Variants in ERBB4 observed in about 807,000 individuals in gnomAD.
ERBB4 encodes receptor tyrosine-protein kinase erbB-4.
In ERBB4, 42 loss-of-function variants were observed where a neutral mutation model predicts 158.0. The ratio of observed to expected loss-of-function variants is 0.27; its 90% CI spans 0.21 to 0.34. The LOEUF (loss-of-function observed/expected upper bound fraction) is 0.34, where lower values mean the gene tolerates loss of function less well. Among genes scored for constraint, ERBB4 ranks in the 10% least tolerant of loss-of-function variants. The pLI, the probability that ERBB4 is intolerant of heterozygous loss-of-function variation, is 1.00. For synonymous variants in ERBB4, 583 were observed against 558.7 expected, an observed-to-expected ratio of 1.04 and a Z score of -0.61; for missense variants, 1,333 against 1,624.1, an observed-to-expected ratio of 0.82 and a Z score of 3.08.
chr2:211,708,293 T>C (rs75216543), intron 9 of ERBB4, among the ~76,000 whole-genome samples: 2,761 of 152,266 alleles, frequency 0.018, 91 homozygotes, highest in African/African-American at 0.063. Flanking sequence ...TTTATATGTT[T>C]GTCCTGGAAA....
At position 212,022,163 on chromosome 2, in the gene ERBB4, T is replaced by A. The variant is rs960586230; in HGVS notation, c.235-74547A>T. ...GAAATACCATTTGACTCAGCATGAC[T>A]CAGCAATTCCATTACTGGGAATATA... On this transcript the variant is annotated intron_variant, in intron 2 of 27. Transcript: ENST00000342788. Among the ~76,000 whole-genome samples the A allele has an allele frequency of 4.9e-4, 73 of 148,554 alleles. 1 individual carries two copies. The highest frequency in any genetic ancestry group is 5.9e-4 in the Non-Finnish European group (39 of 66,550).
Position 212,120,272 on chromosome 2 carries a change from A to G in ERBB4, c.234+4480T>C, listed in dbSNP as rs150756634. The stretch of plus-strand genomic sequence containing the variant: ...GCATTTGAGTAGTCAAGAACCTAAT[A>G]GAGAAACTGAATGCTATTGGTGACA... On this transcript the variant is annotated intron_variant, in intron 2 of 27. Transcript: ENST00000342788. Among the ~76,000 whole-genome samples the G allele has an allele frequency of 1.5e-3, 230 of 152,330 alleles. 1 individual carries two copies. The highest frequency in any genetic ancestry group is 5.2e-3 in the African/African-American group (217 of 41,576).
At chr2:212,269,172 T>C (rs2085256259) in intron 1 of ERBB4, among the ~76,000 whole-genome samples, 1 of 151,894 alleles carries the variant, frequency 6.6e-6, no homozygotes, top group Non-Finnish European at 1.5e-5. Context: ...TAAATTTCTA[T>C]AGTTCAAAAA....
chr2:212,192,654 A>C (rs577131671), intron 1 of ERBB4, among the ~76,000 whole-genome samples: 1 of 152,276 alleles, frequency 6.6e-6, no homozygotes, highest in East Asian at 1.9e-4. Context: ...GACAAAGGCC[A>C]CATCTTTTAA....
intron 1 of ERBB4, among the ~76,000 whole-genome samples, chr2:212,263,853 G>A (rs1217206646): frequency 1.8e-4 from 27 of 149,500 alleles, no homozygotes; most frequent in Admixed American, 1.8e-3. Flanking sequence ...TTTTCACTTT[G>A]GATTGCAAGA....
intron 1 of ERBB4, among the ~76,000 whole-genome samples, chr2:212,197,523 C>T (rs1297137342): frequency 6.6e-6 from 1 of 152,094 alleles, no homozygotes; most frequent in Non-Finnish European, 1.5e-5. Context: ...AAATATCTTG[C>T]TCAAAATTAT....
At chr2:212,059,917 G>C (rs1401394538) in intron 2 of ERBB4, among the ~76,000 whole-genome samples, 3 of 152,254 alleles carry the variant, frequency 2.0e-5, no homozygotes, top group South Asian at 4.1e-4. Context: ...AAAAGCAATG[G>C]CAACAAAAGC....
chr2:211,874,070 C>A (rs866380568), intron 3 of ERBB4, among the ~76,000 whole-genome samples: 2 of 151,944 alleles, frequency 1.3e-5, no homozygotes, highest in Non-Finnish European at 2.9e-5. Flanking sequence ...GAGGCTTAGG[C>A]GAGAGAATCA....
chr2:212,000,553 G>A (rs530616159), intron 2 of ERBB4, among the ~76,000 whole-genome samples: 140 of 151,860 alleles, frequency 9.2e-4, no homozygotes, highest in Middle Eastern at 3.4e-3. Context: ...AAATAACTGC[G>A]TTAGAATTGA....
Position 211,788,148 on chromosome 2 carries a change from C to T in ERBB4, c.433G>A (p.Gly145Ser). Residue 145 changes from glycine to serine, a missense_variant, in exon 4 of 28, where the codon GGT (glycine) becomes AGT (serine). Transcript: ENST00000342788. ...TTGTTCTGGTCTACATAGACTCCAC[C>T]ATTTAGGATTTCTGTATTAAAAAAC... is the stretch of plus-strand genomic sequence containing the variant. ...GLKNLTEILNGGVYVDQNKFL... is the reference protein window; with the variant it reads ...GLKNLTEILNSGVYVDQNKFL... 1 of 1,611,908 alleles carries T rather than the reference C, an allele frequency of 6.2e-7. No individual in the cohort carries two copies.
chr2:211,466,830 G>C (rs1022174027), intron 20 of ERBB4, among the ~76,000 whole-genome samples: 1 of 152,050 alleles, frequency 6.6e-6, no homozygotes, highest in Non-Finnish European at 1.5e-5. Flanking sequence ...TTATGCTGCA[G>C]AGAAAAAATT....
chr2:211,674,513 T>C (rs975475995), intron 13 of ERBB4, among the ~76,000 whole-genome samples: 2 of 152,122 alleles, frequency 1.3e-5, no homozygotes, highest in African/African-American at 4.8e-5. Flanking sequence ...AATGCACATA[T>C]ATTGAGTTAC....
chr2:212,459,668 C>T (rs1369547544), intron 1 of ERBB4, among the ~76,000 whole-genome samples: 5 of 152,138 alleles, frequency 3.3e-5, no homozygotes, highest in Non-Finnish European at 7.4e-5. Context: ...GTGCTGGAAG[C>T]ATTATACTAC....
At chr2:212,065,695 T>C (rs934155174) in intron 2 of ERBB4, among the ~76,000 whole-genome samples, 1 of 151,956 alleles carries the variant, frequency 6.6e-6, no homozygotes, top group Admixed American at 6.6e-5. Flanking sequence ...CTTAAACAGA[T>C]TACATGTCAT....
At chr2:212,511,879 G>A (rs115736658) in intron 1 of ERBB4, among the ~76,000 whole-genome samples, 2,896 of 152,036 alleles carry the variant, frequency 0.019, 38 homozygotes, top group Non-Finnish European at 0.03. Context: ...GATGGCATTC[G>A]TGTCACCATC....
chr2:211,558,477 T>A (rs1354750471), intron 20 of ERBB4, among the ~76,000 whole-genome samples: 4 of 152,288 alleles, frequency 2.6e-5, no homozygotes, highest in African/African-American at 9.6e-5. Flanking sequence ...ATCTGCAAAG[T>A]CCCTTTTAAC....
intron 20 of ERBB4, among the ~76,000 whole-genome samples, chr2:211,504,346 C>A (rs539342046): frequency 6.6e-6 from 1 of 151,830 alleles, no homozygotes; most frequent in Non-Finnish European, 1.5e-5. Context: ...CTATCTATAA[C>A]CAAATAATTC....
chr2:211,609,361 C>T (rs926406853), intron 19 of ERBB4, among the ~76,000 whole-genome samples: 1 of 152,130 alleles, frequency 6.6e-6, no homozygotes, highest in African/African-American at 2.4e-5. Context: ...TCAGAGAAAT[C>T]AACAAGAATT....
chr2:212,321,979 T>C lies in ERBB4; in HGVS notation c.83-197076A>G, dbSNP rs1041545133. On this transcript the variant is annotated intron_variant, in intron 1 of 27. Coordinates refer to ENST00000342788, the MANE Select transcript of ERBB4 (RefSeq NM_005235.3). ...AGTTTAAGAAGAATAATATAATTAA[T>C]AGAGAATAATACGATTTTGTTGGTA... 2.0e-5 allele frequency among the ~76,000 whole-genome samples: 3 copies of C among 150,396 alleles called. 1 individual carries two copies. Among genetic ancestry groups the C allele is most frequent in the Non-Finnish European group, 3.0e-5 (2 of 67,026 alleles).
Sources: allele counts gnomAD v4.1 joint callset (sites outside exome capture counted in the v4.1 genomes callset), GRCh38; gene constraint gnomAD v4.1.1; transcripts MANE v1.5; gene names NCBI Gene and HGNC (gene_info 2026-07-23, HGNC 2026-07-21).